SLC28A3: variants seen among roughly 807,000 people sequenced by gnomAD.
The protein encoded by SLC28A3 is concentrative Na(+)-nucleoside cotransporter 3.
Under a neutral mutation model 84.2 loss-of-function variants are expected in SLC28A3, and 68 were observed. The ratio of observed to expected loss-of-function variants is 0.81; its 90% confidence interval spans 0.66 to 0.99. SLC28A3 has a LOEUF of 0.99. Ranked by LOEUF, SLC28A3 falls within the 50% of genes least tolerant of loss-of-function variation. The pLI is 0.00. For missense variants in SLC28A3, 712 were observed against 841.5 expected, an observed-to-expected ratio of 0.85 and a Z score of 1.90; for synonymous variants, 267 against 303.6, an observed-to-expected ratio of 0.88 and a Z score of 1.25.
intron 1 of SLC28A3, among the ~76,000 whole-genome samples, chr9:84,313,868 G>GAAAAAAAA (rs754131148): frequency 1.6e-5 from 2 of 125,570 alleles, no homozygotes; most frequent in East Asian, 2.3e-4. Context: ...GACTCTACCT[G>GAAAAAAAA]AAAAAAAAAA....
intron 1 of SLC28A3, among the ~76,000 whole-genome samples, chr9:84,316,073 G>A (rs2118452641): frequency 6.7e-6 from 1 of 148,442 alleles, no homozygotes; most frequent in South Asian, 2.1e-4. Flanking sequence ...CCCCTTTGAA[G>A]GGACAGCCTA....
chr9:84,280,027 C>T lies in SLC28A3; in HGVS notation c.1776G>A (p.Val592=). The T allele has an allele frequency of 6.2e-7, 1 of 1,614,006 alleles. No individual in the cohort carries two copies. Among genetic ancestry groups the T allele is most frequent in the South Asian group, 1.1e-5 (1 of 91,082 alleles). The change falls in exon 16 of 18, where the codon GTG becomes GTA. Residue 592 remains valine, a synonymous_variant. Transcript: ENST00000376238. ...CCACGGTCCCCGCAATCAGAGCTCT[C>T]ACTGCCCCCGAGGCGATATCACGCT... is the stretch of plus-strand genomic sequence containing the variant. ...SRKRDIASGA[V]RALIAGTVAC...
chr9:84,320,052 T>TG (rs749181870), intron 1 of SLC28A3, among the ~76,000 whole-genome samples: 8 of 131,054 alleles, frequency 6.1e-5, no homozygotes, highest in African/African-American at 2.2e-4. Flanking sequence ...TTTTTTTTTT[T>TG]TTTTTTTTTT....
intron 1 of SLC28A3, among the ~76,000 whole-genome samples, chr9:84,339,841 T>C (rs527961744): frequency 2.0e-5 from 3 of 152,186 alleles, no homozygotes; most frequent in Non-Finnish European, 4.4e-5. Flanking sequence ...CTTTCCTTTC[T>C]TGGCTAGCAC....
chr9:84,293,958 C>A (rs2118201946), intron 9 of SLC28A3, among the ~76,000 whole-genome samples: 1 of 152,310 alleles, frequency 6.6e-6, no homozygotes, highest in East Asian at 1.9e-4. Flanking sequence ...GCTATAGTTT[C>A]ATGAAGATAT....
At position 84,278,146 on chromosome 9, in the gene SLC28A3, C is replaced by CT. The variant is rs1022106554; in HGVS notation, c.*71dup. 7.4e-3 allele frequency: 9,892 copies of CT among 1,335,154 alleles called. No individual in the cohort carries two copies. The highest frequency in any genetic ancestry group is 0.013 in the South Asian group (891 of 67,488). 82.7% of individuals were successfully genotyped at this position (1,335,154 alleles called of 1,614,324 possible). ...AGCATCAATCTGTGGACAATAGCTT[C>CT]TTTTTTTTTTCTTTCCAAAGCAGAA... is the stretch of plus-strand genomic sequence containing the variant. On this transcript the variant is annotated 3_prime_UTR_variant, in exon 18 of 18. Coordinates refer to ENST00000376238, the MANE Select transcript of SLC28A3 (RefSeq NM_001199633.2).
At chr9:84,305,012 A>G (rs900327845) in intron 4 of SLC28A3, among the ~76,000 whole-genome samples, 1 of 152,026 alleles carries the variant, frequency 6.6e-6, no homozygotes, top group African/African-American at 2.4e-5. Flanking sequence ...ACAGAGCTAG[A>G]CTCCATCTCA....
intron 5 of SLC28A3, among the ~76,000 whole-genome samples, chr9:84,300,690 G>T (rs1039784646): frequency 1.4e-4 from 22 of 152,186 alleles, no homozygotes; most frequent in African/African-American, 5.3e-4. Flanking sequence ...AGGGAGAGGA[G>T]GTCCCTCAGA....
intron 5 of SLC28A3, among the ~76,000 whole-genome samples, chr9:84,301,779 A>T (rs1279881973): frequency 1.3e-5 from 2 of 152,152 alleles, no homozygotes; most frequent in Non-Finnish European, 2.9e-5. Flanking sequence ...CTGATTGATC[A>T]TGGTGCCCTC....
At position 84,275,711 on chromosome 9, in the gene SLC28A3, G is replaced by C. The variant is rs1406384785; in HGVS notation, c.*2507C>G. 2 of 152,144 alleles carry C rather than the reference G, an allele frequency of 1.3e-5. No homozygotes were observed. Among genetic ancestry groups the C allele is most frequent in the Admixed American group, 6.5e-5 (1 of 15,276 alleles). The allele number at this position is 152,144 out of a possible 1,614,324, so 9.4% of individuals were successfully genotyped here. A position where few individuals can be genotyped will look rare whatever the true frequency, so the allele number is the denominator to read the frequency against. On this transcript the variant is annotated 3_prime_UTR_variant, in exon 18 of 18. Transcript: ENST00000376238. ...TCACAGGGTATTGGTGAGGTTTCTG[G>C]GGGTAACAAGCTCAAGAGGCTTAAC... is the stretch of plus-strand genomic sequence containing the variant.
Position 84,279,342 on chromosome 9 carries a change from A to C in SLC28A3, c.1872T>G (p.Val624=). The C allele has an allele frequency of 6.2e-7, 1 of 1,613,152 alleles. No homozygotes were observed. The highest frequency in any genetic ancestry group is 8.5e-7 in the Non-Finnish European group (1 of 1,179,404). The change falls in exon 17 of 18, where the codon GTT becomes GTG. Residue 624 remains valine (V), a synonymous_variant. Transcript: ENST00000376238. ...AAGTGGAGTTGAAGGCATTCTCTAA[A>C]ACGTGATGGCAGTTGATGTCCACAG... ...STPVDINCHH[V]LENAFNSTFP... is the part of the protein sequence containing the mutation.
chr9:84,299,553 G>A lies in SLC28A3; in HGVS notation c.669+28C>T, dbSNP rs752806815. ...TACACATGGGGAGAAAAAGAAAAAA[G>A]AACCTAAAAGATCAACTGGATACTT... On this transcript the variant is annotated intron_variant, in intron 6 of 17. Coordinates refer to ENST00000376238, the MANE Select transcript of SLC28A3 (RefSeq NM_001199633.2). The A allele has an allele frequency of 2.5e-6, 4 of 1,611,840 alleles. No individual in the cohort carries two copies. In the South Asian group the frequency reaches 3.3e-5, roughly 13 times the overall value.
chr9:84,282,467 C>T (rs1012580418), intron 14 of SLC28A3, among the ~76,000 whole-genome samples: 1 of 152,174 alleles, frequency 6.6e-6, no homozygotes, highest in Non-Finnish European at 1.5e-5. Context: ...CAGGAGCTTC[C>T]TTATAGTCTG....
rs1207434568 is a variant in SLC28A3 at position 84,332,739 on chromosome 9, ATCT to A, written c.60+7832_60+7834del. Among the ~76,000 whole-genome samples, 7 of 152,322 alleles carry A rather than the reference ATCT, an allele frequency of 4.6e-5. No homozygotes were observed. The East Asian group carries it at 1.3e-3, about 29-fold the overall frequency. On this transcript the variant is annotated intron_variant, in intron 1 of 17. Coordinates refer to ENST00000376238, the MANE Select transcript of SLC28A3 (RefSeq NM_001199633.2). ...AGAGTTACACTTGTTCGAAAAAAAA[ATCT>A]TCATGATTTTGCAGGTTGGAAAAGA...
chr9:84,289,888 C>A, intron 11 of SLC28A3: 1 of 264,774 alleles, frequency 3.8e-6, no homozygotes. Context: ...TTTAAATTTT[C>A]AACCAAAGCA....
At chr9:84,294,595 C>T (rs1825348220) in intron 8 of SLC28A3, among the ~76,000 whole-genome samples, 1 of 152,186 alleles carries the variant, frequency 6.6e-6, no homozygotes. Context: ...GCTAAAAAGA[C>T]ATGGGCTTCA....
the SLC28A3 span, among the ~76,000 whole-genome samples, chr9:84,352,465 G>A: frequency 6.6e-6 from 1 of 152,136 alleles, no homozygotes; most frequent in African/African-American, 2.4e-5. Context: ...TTACAGGCAT[G>A]AGCCACTGCA....
At chr9:84,340,452 T>G in intron 1 of SLC28A3, 122 bp downstream of exon 1, 1 of 1,020,108 alleles carries the variant, frequency 9.8e-7, no homozygotes, top group South Asian at 1.4e-5. Context: ...GCTTAAAGTG[T>G]GCCGTTAAAA....
At chr9:84,290,545 C>A (rs1371016260) in intron 10 of SLC28A3, among the ~76,000 whole-genome samples, 3 of 152,174 alleles carry the variant, frequency 2.0e-5, no homozygotes, top group Non-Finnish European at 4.4e-5. Context: ...AATTTGAGAA[C>A]CCACACCATC....
Sources: allele counts gnomAD v4.1 joint callset (sites outside exome capture counted in the v4.1 genomes callset), GRCh38; gene constraint gnomAD v4.1.1; transcripts MANE v1.5; gene names NCBI Gene and HGNC (gene_info 2026-07-23, HGNC 2026-07-21).